The following ARMC2 variants were observed in gnomAD, a reference collection of about 807,000 sequenced individuals.
The protein encoded by ARMC2 is armadillo repeat-containing protein 2.
In ARMC2, 67 loss-of-function variants were observed where a neutral mutation model predicts 90.3. The ratio of observed to expected loss-of-function variants is 0.74; its 90% CI spans 0.61 to 0.91. The LOEUF is 0.91. ARMC2 is among the 40% of genes least tolerant of loss of function. The probability of loss-of-function intolerance (pLI) is 0.00; values close to 1 mark genes in which losing one functional copy is unlikely to be tolerated. For missense variants in ARMC2, 920 were observed against 1,030.9 expected (o/e 0.89, Z 1.47); for synonymous variants, 393 against 393.0 (o/e 1.00, Z 0.00).
chr6:108,858,224 T>C lies in ARMC2; in HGVS notation c.244T>C (p.Ser82Pro). ...CCTCCATGCATCCAGTTTTGAGTCATCTGATTCCAGGCCTATCTCTGGCAC... is the reference window on the plus strand; with the variant it reads ...CCTCCATGCATCCAGTTTTGAGTCACCTGATTCCAGGCCTATCTCTGGCAC... ...FSLHASSFES[S>P]DSRPISGTRL... is the part of the protein sequence containing the mutation. The change falls in exon 3 of 18, where the codon TCT becomes CCT. Residue 82 changes from serine to proline, a missense_variant. Coordinates refer to ENST00000392644, the MANE Select transcript of ARMC2 (RefSeq NM_032131.6). 6.2e-7 allele frequency: 1 copy of C among 1,611,456 alleles called. No individual in the cohort carries two copies. Among genetic ancestry groups the C allele is most frequent in the Non-Finnish European group, 8.5e-7 (1 of 1,178,086 alleles).
At position 108,854,383 on chromosome 6, in the gene ARMC2, C is replaced by G. The variant is rs751108101; in HGVS notation, c.116C>G (p.Thr39Arg). 6.2e-7 allele frequency: 1 copy of G among 1,613,082 alleles called. No individual in the cohort carries two copies. The highest frequency in any genetic ancestry group is 1.3e-5 in the African/African-American group (1 of 74,658). The change falls in exon 2 of 18, where the codon ACA (threonine) becomes AGA (arginine). Residue 39 changes from threonine to arginine, a missense_variant. Thr to Arg is a moderately conservative substitution (Grantham distance 71, BLOSUM62 -1). Coordinates refer to ENST00000392644, the MANE Select transcript of ARMC2 (RefSeq NM_032131.6). ...IISEARNALR[T>R]VRTQRPFTPQ... ...AGTGAAGCAAGAAATGCATTAAGAA[C>G]AGTTAGAACCCAAAGACCATTTACA...
chr6:108,906,716 C>CT (rs1311224663), intron 8 of ARMC2, among the ~76,000 whole-genome samples: 1 of 152,198 alleles, frequency 6.6e-6, no homozygotes, highest in Admixed American at 6.5e-5. Context: ...GACTCCTAGC[C>CT]TTGAGCAGTT....
At chr6:109,017,317 ACT>A in the ARMC2 span, among the ~76,000 whole-genome samples, 2 of 152,012 alleles carry the variant, frequency 1.3e-5, no homozygotes, top group African/African-American at 4.8e-5. Flanking sequence ...ACAGAGTCTC[ACT>A]CTGTCGCCCA....
chr6:108,895,300 C>CAA (rs1197391398), intron 6 of ARMC2, among the ~76,000 whole-genome samples: 1 of 146,486 alleles, frequency 6.8e-6, no homozygotes, highest in African/African-American at 2.5e-5. Context: ...CCATCTCTAC[C>CAA]AAAAAAAAAT....
At chr6:108,879,488 A>G (rs955709701) in intron 5 of ARMC2, among the ~76,000 whole-genome samples, 7 of 151,440 alleles carry the variant, frequency 4.6e-5, no homozygotes, top group South Asian at 4.2e-4. Context: ...CCATTCATCC[A>G]TCTATTCATT....
chr6:108,875,782 T>G (rs572244088), intron 4 of ARMC2, among the ~76,000 whole-genome samples: 2 of 152,288 alleles, frequency 1.3e-5, no homozygotes, highest in East Asian at 3.9e-4. Flanking sequence ...CAGTAAATAT[T>G]TTTTGAATGA....
intron 10 of ARMC2, among the ~76,000 whole-genome samples, chr6:108,918,482 AT>A (rs67505412): frequency 0.073 from 10,706 of 146,274 alleles, 576 homozygotes; most frequent in East Asian, 0.21. Flanking sequence ...GATATACTTG[AT>A]TTTTTTTTTT....
intron 13 of ARMC2, among the ~76,000 whole-genome samples, chr6:108,957,570 C>T (rs1480069300): frequency 6.6e-6 from 1 of 152,208 alleles, no homozygotes. Context: ...AGCCTGATGG[C>T]TCCTGTGGCA....
At chr6:109,020,329 G>T in the ARMC2 span, among the ~76,000 whole-genome samples, 1 of 152,030 alleles carries the variant, frequency 6.6e-6, no homozygotes. Context: ...GTGATTATTT[G>T]TTTCATCTTT....
At chr6:108,883,799 A>G (rs958699191) in intron 5 of ARMC2, among the ~76,000 whole-genome samples, 5 of 152,176 alleles carry the variant, frequency 3.3e-5, no homozygotes, top group Admixed American at 1.3e-4. Flanking sequence ...AATAACATGT[A>G]TGGTATGATT....
the ARMC2 span, among the ~76,000 whole-genome samples, chr6:109,029,192 T>G: frequency 6.6e-6 from 1 of 152,106 alleles, no homozygotes; most frequent in Non-Finnish European, 1.5e-5. Context: ...ACAAAGAATT[T>G]CAAAGACCTA....
At chr6:108,934,830 C>G (rs1308485996) in intron 11 of ARMC2, among the ~76,000 whole-genome samples, 1 of 152,132 alleles carries the variant, frequency 6.6e-6, no homozygotes, top group Non-Finnish European at 1.5e-5. Context: ...TGTTTTATCT[C>G]TAATTATGTC....
chr6:109,027,204 G>A, the ARMC2 span, among the ~76,000 whole-genome samples: 23 of 151,916 alleles, frequency 1.5e-4, no homozygotes, highest in African/African-American at 5.6e-4. Flanking sequence ...TGGGGGTGGT[G>A]GCTCACGCCT....
chr6:108,872,928 A>T (rs1173423647), intron 4 of ARMC2, among the ~76,000 whole-genome samples: 1 of 152,170 alleles, frequency 6.6e-6, no homozygotes, highest in Non-Finnish European at 1.5e-5. Flanking sequence ...TCTGCACATG[A>T]GCGTATTAAA....
At chr6:108,881,168 T>C (rs187778433) in intron 5 of ARMC2, among the ~76,000 whole-genome samples, 22 of 151,902 alleles carry the variant, frequency 1.4e-4, no homozygotes, top group African/African-American at 5.1e-4. Context: ...TTCTTTTCTT[T>C]TTCTTTTTTT....
the ARMC2 span, among the ~76,000 whole-genome samples, chr6:109,045,212 A>G: frequency 2.1e-4 from 32 of 152,192 alleles, 1 homozygote; most frequent in East Asian, 7.7e-4. Flanking sequence ...TGAATATTCT[A>G]CATCCTAGAA....
chr6:108,908,141 G>C (rs1426411145), intron 8 of ARMC2, among the ~76,000 whole-genome samples: 2 of 151,994 alleles, frequency 1.3e-5, no homozygotes, highest in African/African-American at 4.8e-5. Flanking sequence ...GTAGTGCTGG[G>C]GGGGGCCTGA....
chr6:109,042,176 A>G, the ARMC2 span, among the ~76,000 whole-genome samples: 16 of 152,078 alleles, frequency 1.1e-4, no homozygotes, highest in African/African-American at 3.6e-4. Flanking sequence ...AAAATACAAC[A>G]TATCAAAATT....
chr6:108,932,753 C>A lies in ARMC2; in HGVS notation c.1497-4147C>A, dbSNP rs562454387. On this transcript the variant is annotated intron_variant, in intron 11 of 17. Coordinates refer to ENST00000392644, the MANE Select transcript of ARMC2 (RefSeq NM_032131.6). ...CTGTGTTAGCCAGGATGGTCTCGAT[C>A]TCCTGACCTCGTGATCTGCCCGCCT... is the stretch of plus-strand genomic sequence containing the variant. 4.3e-3 allele frequency among the ~76,000 whole-genome samples: 658 copies of A among 151,320 alleles called. 14 individuals are homozygous for A. The highest frequency in any genetic ancestry group is 0.015 in the African/African-American group (630 of 40,674).
Sources: gnomAD v4.1 joint callset for allele counts (sites outside exome capture counted in the v4.1 genomes callset) on GRCh38, gnomAD v4.1.1 for gene constraint, MANE v1.5 for transcripts, NCBI Gene and HGNC (gene_info 2026-07-23, HGNC 2026-07-21) for gene names.